SLC36A1: variants seen among roughly 807,000 people sequenced by gnomAD.
SLC36A1 encodes the protein solute carrier family 36 member 1.
Under a neutral mutation model 47.5 loss-of-function variants are expected in SLC36A1, and 30 were observed. The observed-to-expected ratio is 0.63, with a 90% confidence interval of 0.47 to 0.86. The LOEUF is 0.86. SLC36A1 is among the 40% of genes least tolerant of loss of function. SLC36A1 has a pLI of 0.00. For synonymous variants in SLC36A1, 255 were observed against 249.7 expected (o/e 1.02, Z -0.20); for missense variants, 517 against 606.0 (o/e 0.85, Z 1.54).
the SLC36A1 span, among the ~76,000 whole-genome samples, chr5:151,422,554 C>T: frequency 6.6e-6 from 1 of 152,188 alleles, no homozygotes; most frequent in East Asian, 1.9e-4. Flanking sequence ...TAGAAAGACC[C>T]TGCCTCTTAA....
the SLC36A1 span, among the ~76,000 whole-genome samples, chr5:151,353,647 G>T: frequency 6.6e-6 from 1 of 152,138 alleles, no homozygotes; most frequent in East Asian, 1.9e-4. Flanking sequence ...GTCTAATGGC[G>T]TGTATCTACC....
the SLC36A1 span, among the ~76,000 whole-genome samples, chr5:151,429,214 TTTA>T: frequency 6.6e-6 from 1 of 152,066 alleles, no homozygotes; most frequent in Non-Finnish European, 1.5e-5. Context: ...TAAAATTTTT[TTTA>T]TTATTATACT....
the SLC36A1 span, chr5:151,545,085 C>G: frequency 6.2e-7 from 1 of 1,614,130 alleles, no homozygotes; most frequent in Non-Finnish European, 8.5e-7. Context: ...CTGACTGGAC[C>G]ATATGAAACA....
At chr5:151,554,405 G>A in the SLC36A1 span, 1 of 1,614,196 alleles carries the variant, frequency 6.2e-7, no homozygotes, top group Non-Finnish European at 8.5e-7. Context: ...GCTGCTGGAT[G>A]AAACCACACC....
the SLC36A1 span, chr5:151,549,359 C>T: frequency 6.2e-7 from 1 of 1,614,026 alleles, no homozygotes; most frequent in Non-Finnish European, 8.5e-7. Context: ...CTCGGACCTG[C>T]AGCAGCTCTG....
intron 6 of SLC36A1, 52 bp from the exon 7 acceptor site, chr5:151,467,655 G>A (rs971152199): frequency 1.1e-4 from 153 of 1,454,102 alleles, no homozygotes; most frequent in Non-Finnish European, 1.3e-4. Flanking sequence ...AGGATCCACC[G>A]GCCTCTGTTG....
the SLC36A1 span, chr5:151,528,096 T>C: frequency 1.2e-6 from 2 of 1,614,030 alleles, no homozygotes; most frequent in Non-Finnish European, 1.7e-6. Flanking sequence ...ATAGGTAATG[T>C]CACTATTTAG....
upstream of SLC36A1, among the ~76,000 whole-genome samples, chr5:151,446,400 C>A (rs60300876): frequency 0.23 from 35,255 of 151,860 alleles, 4,413 homozygotes; most frequent in African/African-American, 0.31. Context: ...CGTGGTGGCA[C>A]GTGCCTGTAA....
chr5:151,498,525 G>A, the SLC36A1 span, among the ~76,000 whole-genome samples: 1 of 152,166 alleles, frequency 6.6e-6, no homozygotes, highest in Admixed American at 6.5e-5. Context: ...GTGAAGCCAG[G>A]TCTGTCTGAC....
chr5:151,358,048 G>C, the SLC36A1 span, among the ~76,000 whole-genome samples: 1 of 152,164 alleles, frequency 6.6e-6, no homozygotes, highest in African/African-American at 2.4e-5. Flanking sequence ...ATTGGTTAAG[G>C]CTCAGCATTT....
the SLC36A1 span, among the ~76,000 whole-genome samples, chr5:151,430,227 T>C: frequency 0.017 from 2,558 of 150,982 alleles, 70 homozygotes; most frequent in African/African-American, 0.059. Context: ...TGCAGGGGCA[T>C]GATCTTGACT....
chr5:151,458,250 A>G (rs1262282222), intron 1 of SLC36A1, among the ~76,000 whole-genome samples: 1 of 95,058 alleles, frequency 1.1e-5, no homozygotes, highest in East Asian at 2.1e-4. Context: ...GAGCTTGTAC[A>G]TATATATATA....
At chr5:151,438,579 C>G (rs546470298) in intron 1 of SLC36A1, among the ~76,000 whole-genome samples, 4 of 152,188 alleles carry the variant, frequency 2.6e-5, no homozygotes, top group Non-Finnish European at 5.9e-5. Context: ...GTGTGAGCAG[C>G]ATTTTGTTCC....
chr5:151,506,079 A>G, the SLC36A1 span: 14 of 1,525,648 alleles, frequency 9.2e-6, no homozygotes, highest in Admixed American at 1.3e-4. Context: ...GGGCCAGACC[A>G]TGGCTCCGCC....
rs138199375 is a variant in SLC36A1, at chr5:151,464,546, C to T, written c.267C>T (p.Ile89=). ...CCATCAGCCTGCTGATCATAGGCAT[C>T]GTGGCCGTGCACTGCATGGGTATCC... is the stretch of plus-strand genomic sequence containing the variant. ...MGPISLLIIG[I]VAVHCMGILV... The change falls in exon 4 of 11, where the codon ATC becomes ATT. Residue 89 remains isoleucine, a synonymous_variant. Coordinates refer to ENST00000243389, the MANE Select transcript of SLC36A1 (RefSeq NM_078483.4). 3.7e-4 allele frequency: 593 copies of T among 1,614,064 alleles called. No homozygotes were observed. Among genetic ancestry groups the T allele is most frequent in the East Asian group, 2.1e-3 (93 of 44,878 alleles).
At chr5:151,536,403 C>A in the SLC36A1 span, among the ~76,000 whole-genome samples, 5 of 152,150 alleles carry the variant, frequency 3.3e-5, no homozygotes, top group Non-Finnish European at 5.9e-5. Context: ...CCTGCCACCC[C>A]CTGCTCAGGT....
At chr5:151,527,446 C>T in the SLC36A1 span, 2 of 1,423,166 alleles carry the variant, frequency 1.4e-6, no homozygotes, top group Non-Finnish European at 1.9e-6. Flanking sequence ...CCTGAGTCAT[C>T]ACTAATATTT....
the SLC36A1 span, among the ~76,000 whole-genome samples, chr5:151,429,942 C>T: frequency 2.6e-5 from 4 of 152,098 alleles, no homozygotes; most frequent in Admixed American, 6.5e-5. Flanking sequence ...CAAGATTCAA[C>T]GATACTCATT....
chr5:151,534,518 C>G, the SLC36A1 span: 1 of 1,614,122 alleles, frequency 6.2e-7, no homozygotes, highest in Non-Finnish European at 8.5e-7. Flanking sequence ...CATTGTCATT[C>G]ACATCCTCCA....
Sources: gnomAD v4.1 joint callset for allele counts (sites outside exome capture counted in the v4.1 genomes callset) on GRCh38, gnomAD v4.1.1 for gene constraint, MANE v1.5 for transcripts, NCBI Gene and HGNC (gene_info 2026-07-23, HGNC 2026-07-21) for gene names.